Variants in ZSWIM4 observed in about 807,000 individuals in gnomAD.
ZSWIM4 encodes zinc finger SWIM domain-containing protein 4.
A neutral mutation model predicts 102.5 loss-of-function variants in ZSWIM4; 62 were observed. That is an observed-to-expected ratio of 0.60 (90% CI 0.49 to 0.75). The LOEUF (loss-of-function observed/expected upper bound fraction) is 0.75. Ranked by LOEUF, ZSWIM4 falls within the 30% of genes least tolerant of loss-of-function variation. The pLI, the probability that ZSWIM4 is intolerant of heterozygous loss-of-function variation, is 0.00. For synonymous variants in ZSWIM4, 652 were observed against 674.5 expected (o/e 0.97, Z 0.52); for missense variants, 1,280 against 1,529.6 (o/e 0.84, Z 2.72).
intron 1 of ZSWIM4, among the ~76,000 whole-genome samples, chr19:13,797,864 G>T (rs967659991): frequency 6.6e-6 from 1 of 152,142 alleles, no homozygotes; most frequent in Non-Finnish European, 1.5e-5. Context: ...TGTTGGCCAG[G>T]CTGGTTTCAA....
At chr19:13,796,815 G>C (rs1483709107) in intron 1 of ZSWIM4, 1 of 152,232 alleles carries the variant, frequency 6.6e-6, no homozygotes, top group Non-Finnish European at 1.5e-5. Flanking sequence ...AAGCACACAC[G>C]GGCTCTATCC....
At chr19:13,799,032 A>G (rs1187554371) in intron 1 of ZSWIM4, among the ~76,000 whole-genome samples, 1 of 151,868 alleles carries the variant, frequency 6.6e-6, no homozygotes, top group African/African-American at 2.4e-5. Flanking sequence ...CAAGTGCACC[A>G]ACTGCCTTGG....
chr19:13,829,719 G>A (rs1259593487), intron 13 of ZSWIM4, among the ~76,000 whole-genome samples: 1 of 152,122 alleles, frequency 6.6e-6, no homozygotes, highest in East Asian at 1.9e-4. Flanking sequence ...CAGCTACTCA[G>A]GAGGCTGAGG....
chr19:13,828,026 A>C (rs1416992800), intron 12 of ZSWIM4, among the ~76,000 whole-genome samples: 1 of 152,202 alleles, frequency 6.6e-6, no homozygotes, highest in African/African-American at 2.4e-5. Context: ...CAACAACAGC[A>C]GTGATATTAA....
intron 9 of ZSWIM4, 52 bp downstream of exon 9, chr19:13,818,028 C>A: frequency 6.9e-7 from 1 of 1,442,826 alleles, no homozygotes; most frequent in Non-Finnish European, 9.1e-7. Flanking sequence ...GGTCCAGCCC[C>A]TGGTCCTGTA....
chr19:13,813,505 A>C (rs370544091), intron 6 of ZSWIM4, among the ~76,000 whole-genome samples: 1 of 151,924 alleles, frequency 6.6e-6, no homozygotes, highest in Non-Finnish European at 1.5e-5. Flanking sequence ...GGAAAGTGAG[A>C]TATTGAGGAG....
intron 7 of ZSWIM4, among the ~76,000 whole-genome samples, 171 bp from the exon 8 acceptor site, chr19:13,817,045 G>A (rs940010519): frequency 2.4e-4 from 36 of 152,130 alleles, no homozygotes; most frequent in African/African-American, 8.4e-4. Flanking sequence ...CTCCAGCCTG[G>A]GCAATAAGCG....
Position 13,808,880 on chromosome 19 carries a change from T to C in ZSWIM4, c.757T>C (p.Cys253Arg). Residue 253 changes from cysteine to arginine, a missense_variant, in exon 4 of 14, where the codon TGC becomes CGC. Physicochemically the swap from Cys to Arg is radical, Grantham distance 180. Transcript: ENST00000590508. ...CGGCGCAGGAATCGAGGACGCCAAC[T>C]GCTGGCACCTGGACGAGGAGCAGAT... is the stretch of plus-strand genomic sequence containing the variant. ...TAGAGIEDAN[C>R]WHLDEEQIQE... 6.2e-7 allele frequency: 1 copy of C among 1,612,228 alleles called. No homozygotes were observed. The highest frequency in any genetic ancestry group is 8.5e-7 in the Non-Finnish European group (1 of 1,179,334).
At chr19:13,800,005 G>A (rs983617538) in intron 2 of ZSWIM4, 84 bp downstream of exon 2, 12 of 1,409,344 alleles carry the variant, frequency 8.5e-6, no homozygotes, top group Non-Finnish European at 1.2e-5. Context: ...GGGAGGCCTG[G>A]GGCCAGGGGA....
At chr19:13,807,745 G>A (rs576260270) in intron 3 of ZSWIM4, among the ~76,000 whole-genome samples, 2,703 of 143,492 alleles carry the variant, frequency 0.019, 77 homozygotes, top group African/African-American at 0.07. Context: ...ATGGATGCAT[G>A]GATGGATGCA....
chr19:13,817,091 A>T, intron 7 of ZSWIM4, 125 bp from the exon 8 acceptor site: 1 of 1,357,086 alleles, frequency 7.4e-7, no homozygotes, highest in Non-Finnish European at 9.9e-7. Flanking sequence ...GAAGGTGACC[A>T]TTGGGTGAGC....
chr19:13,819,554 G>A (rs1328990206), intron 10 of ZSWIM4, 62 bp downstream of exon 10: 4 of 1,527,714 alleles, frequency 2.6e-6, no homozygotes, highest in Non-Finnish European at 3.5e-6. Context: ...CGGGCATGGG[G>A]GGTAGCTCAG....
At position 13,823,633 on chromosome 19, in the gene ZSWIM4, G is replaced by A. The variant is rs1025890105; in HGVS notation, c.2215+133G>A. The A allele has an allele frequency of 6.5e-6, 7 of 1,076,444 alleles. No individual in the cohort carries two copies. The African/African-American group carries it at 7.9e-5, about 12-fold the overall frequency. 66.7% of individuals were successfully genotyped at this position (1,076,444 alleles called of 1,614,324 possible). A position where few individuals can be genotyped will look rare whatever the true frequency, so the allele number is the denominator to read the frequency against. ...TGCATTCTTTGAGCACCTCCTATATGTACCGGACACTGTCTCAGGTGCTGG... is the reference window on the plus strand; with the variant it reads ...TGCATTCTTTGAGCACCTCCTATATATACCGGACACTGTCTCAGGTGCTGG... On this transcript the variant is annotated intron_variant, in intron 11 of 13. Coordinates refer to ENST00000590508, the MANE Select transcript of ZSWIM4 (RefSeq NM_001367834.3).
chr19:13,808,735 G>T, intron 3 of ZSWIM4, 101 bp from the exon 4 acceptor site: 1 of 1,169,674 alleles, frequency 8.5e-7, no homozygotes, highest in South Asian at 1.7e-5. Context: ...GCCAAACTCC[G>T]TCTCCAAAAA....
intron 6 of ZSWIM4, among the ~76,000 whole-genome samples, chr19:13,813,930 A>T (rs1975186465): frequency 6.6e-6 from 1 of 151,710 alleles, no homozygotes; most frequent in Non-Finnish European, 1.5e-5. Context: ...CAAAAAAAAA[A>T]AAAAAGAAAG....
At chr19:13,812,526 C>A (rs929725522) in intron 5 of ZSWIM4, among the ~76,000 whole-genome samples, 3 of 145,506 alleles carry the variant, frequency 2.1e-5, no homozygotes. Context: ...GTGGTGTGAT[C>A]TCAGCTCCCT....
At chr19:13,807,746 G>GATGGATGC (rs1340356162) in intron 3 of ZSWIM4, among the ~76,000 whole-genome samples, 2 of 140,140 alleles carry the variant, frequency 1.4e-5, no homozygotes, top group South Asian at 4.6e-4. Flanking sequence ...TGGATGCATG[G>GATGGATGC]ATGGATGCAT....
chr19:13,808,626 C>T (rs1974980818), intron 3 of ZSWIM4, among the ~76,000 whole-genome samples: 1 of 151,450 alleles, frequency 6.6e-6, no homozygotes, highest in African/African-American at 2.4e-5. Context: ...GTAATCCCAG[C>T]TACTTGGGAG....
intron 1 of ZSWIM4, among the ~76,000 whole-genome samples, chr19:13,797,953 G>A (rs189133826): frequency 2.0e-5 from 3 of 152,256 alleles, no homozygotes; most frequent in African/African-American, 4.8e-5. Context: ...CACCGCACCC[G>A]GACGTATCTT....
Sources: allele counts gnomAD v4.1 joint callset (sites outside exome capture counted in the v4.1 genomes callset), GRCh38; gene constraint gnomAD v4.1.1; transcripts MANE v1.5; gene names NCBI Gene and HGNC (gene_info 2026-07-23, HGNC 2026-07-21).